The following TNNI3K variants were observed in gnomAD, a reference collection of about 807,000 sequenced individuals.
The protein encoded by TNNI3K is serine/threonine-protein kinase TNNI3K.
Under a neutral mutation model 114.5 loss-of-function variants are expected in TNNI3K, and 140 were observed. The ratio of observed to expected loss-of-function variants is 1.22; its 90% CI spans 1.07 to 1.41. TNNI3K has a LOEUF of 1.41. Among genes scored for constraint, TNNI3K ranks in the 40% most tolerant of loss-of-function variants. TNNI3K has a pLI of 0.00. For missense variants in TNNI3K, 1,125 were observed against 1,007.6 expected, an observed-to-expected ratio of 1.12 and a Z score of -1.58; for synonymous variants, 347 against 347.5, an observed-to-expected ratio of 1.00 and a Z score of 0.02.
intron 7 of TNNI3K, 80 bp from the exon 8 acceptor site, chr1:74,342,762 T>C: frequency 6.6e-7 from 1 of 1,520,336 alleles, no homozygotes; most frequent in Non-Finnish European, 8.9e-7. Context: ...CACTTAGAAA[T>C]GTCCATGATA....
intron 17 of TNNI3K, among the ~76,000 whole-genome samples, chr1:74,380,325 C>G (rs533501819): frequency 2.0e-5 from 3 of 152,250 alleles, no homozygotes; most frequent in South Asian, 4.1e-4. Flanking sequence ...TAGTGCTACT[C>G]CACACTGGAA....
chr1:74,347,463 G>A lies in TNNI3K; in HGVS notation c.932+4284G>A, dbSNP rs557367722. Among the ~76,000 whole-genome samples, 537 of 152,090 alleles carry A rather than the reference G, an allele frequency of 3.5e-3. 2 individuals are homozygous for A. Among genetic ancestry groups the A allele is most frequent in the African/African-American group, 0.012 (509 of 41,478 alleles). ...GTGAATAGTGCCGCAATAAACATAC[G>A]TGTGCATGTGTCTTTATAGCAGCAT... is the stretch of plus-strand genomic sequence containing the variant. On this transcript the variant is annotated intron_variant, in intron 9 of 24. Transcript: ENST00000326637.
At chr1:74,244,539 T>C (rs768451954) in intron 2 of TNNI3K, among the ~76,000 whole-genome samples, 2 of 151,686 alleles carry the variant, frequency 1.3e-5, no homozygotes, top group Admixed American at 6.6e-5. Flanking sequence ...TGGCATCTTG[T>C]ATTTTCTGTT....
chr1:74,235,489 C>T lies in TNNI3K; in HGVS notation c.38C>T (p.Thr13Ile). The change falls in exon 1 of 25, where the codon ACT becomes ATT. Residue 13 changes from threonine to isoleucine, a missense_variant and splice_region_variant. Transcript: ENST00000326637. The stretch of plus-strand genomic sequence containing the variant: ...AAATCTAGACCAACCCAAACTTGTA[C>T]TGGTAATTATTCTAATTATTCTTAT... ...NYKSRPTQTC[T>I]DEWKKKVSES... The T allele has an allele frequency of 1.4e-6, 2 of 1,439,312 alleles. No individual in the cohort carries two copies. Among genetic ancestry groups the T allele is most frequent in the Admixed American group, 2.0e-5 (1 of 50,088 alleles). 89.2% of individuals were successfully genotyped at this position (1,439,312 alleles called of 1,614,324 possible).
At chr1:74,318,091 G>C (rs1659416963) in intron 5 of TNNI3K, among the ~76,000 whole-genome samples, 1 of 152,064 alleles carries the variant, frequency 6.6e-6, no homozygotes, top group Non-Finnish European at 1.5e-5. Context: ...TAATAAACTG[G>C]GGCAATTGTA....
intron 11 of TNNI3K, among the ~76,000 whole-genome samples, chr1:74,361,416 G>A (rs1832810): frequency 1 from 151,787 of 152,190 alleles, 75,694 homozygotes; most frequent in Non-Finnish European, 1. Context: ...TTATATTTAT[G>A]TAATTTTTTC....
chr1:74,312,483 T>C (rs972217128), intron 5 of TNNI3K, among the ~76,000 whole-genome samples: 2 of 152,250 alleles, frequency 1.3e-5, no homozygotes, highest in Admixed American at 6.5e-5. Flanking sequence ...ACAGGGTATC[T>C]TCTACTGAGA....
intron 21 of TNNI3K, chr1:74,480,807 G>A (rs1461289427): frequency 1.4e-6 from 1 of 717,570 alleles, no homozygotes; most frequent in Admixed American, 2.0e-5. Flanking sequence ...AACAAGGTCC[G>A]CAACATCGTA....
chr1:74,489,364 A>C, intron 22 of TNNI3K, 116 bp downstream of exon 22: 1 of 1,024,442 alleles, frequency 9.8e-7, no homozygotes, highest in Non-Finnish European at 1.4e-6. Context: ...CCATAACTCC[A>C]TCCATATTTG....
intron 4 of TNNI3K, 31 bp downstream of exon 4, chr1:74,250,800 A>G (rs757772518): frequency 5.0e-6 from 7 of 1,408,636 alleles, no homozygotes; most frequent in Non-Finnish European, 6.8e-6. Context: ...TAAACACTGC[A>G]TTGGAACTAA....
At chr1:74,282,488 C>A (rs536736313) in intron 5 of TNNI3K, among the ~76,000 whole-genome samples, 22 of 151,858 alleles carry the variant, frequency 1.4e-4, no homozygotes, top group African/African-American at 5.3e-4. Context: ...CTAATCTACT[C>A]TTTTTATGAG....
intron 9 of TNNI3K, among the ~76,000 whole-genome samples, chr1:74,351,884 A>C (rs2100472089): frequency 6.6e-6 from 1 of 151,986 alleles, no homozygotes. Context: ...TTTTTTTCAA[A>C]GTTTTTAACT....
At chr1:74,447,486 G>A (rs1230668192) in intron 20 of TNNI3K, among the ~76,000 whole-genome samples, 2 of 138,010 alleles carry the variant, frequency 1.4e-5, no homozygotes, top group Non-Finnish European at 3.0e-5. Context: ...AGACATTTAT[G>A]CAGCCAAAAA....
chr1:74,328,046 T>C (rs1277520184), intron 5 of TNNI3K, among the ~76,000 whole-genome samples: 1 of 152,098 alleles, frequency 6.6e-6, no homozygotes, highest in Non-Finnish European at 1.5e-5. Context: ...TAATTTGAAA[T>C]CAATTATCAA....
chr1:74,518,897 T>TTTG (rs1646390134), intron 23 of TNNI3K, among the ~76,000 whole-genome samples: 1 of 111,196 alleles, frequency 9.0e-6, no homozygotes, highest in Non-Finnish European at 1.6e-5. Flanking sequence ...TTTTTTTTAT[T>TTTG]ATACTCTAAG....
chr1:74,421,455 A>G (rs938044891), intron 17 of TNNI3K, among the ~76,000 whole-genome samples: 1 of 152,150 alleles, frequency 6.6e-6, no homozygotes, highest in Non-Finnish European at 1.5e-5. Context: ...GATAAGAGAA[A>G]TTGAGGTAAC....
At chr1:74,285,506 T>C (rs1657273275) in intron 5 of TNNI3K, among the ~76,000 whole-genome samples, 1 of 136,622 alleles carries the variant, frequency 7.3e-6, no homozygotes, top group African/African-American at 2.8e-5. Flanking sequence ...CTGAAGTTTT[T>C]CTATGCTCTG....
intron 6 of TNNI3K, among the ~76,000 whole-genome samples, chr1:74,333,421 A>G (rs1660313228): frequency 6.6e-6 from 1 of 152,222 alleles, no homozygotes; most frequent in African/African-American, 2.4e-5. Context: ...CAGGATATAT[A>G]CAATGCATAT....
At chr1:74,525,218 A>G (rs958673201) in intron 23 of TNNI3K, among the ~76,000 whole-genome samples, 1 of 152,192 alleles carries the variant, frequency 6.6e-6, no homozygotes, top group Non-Finnish European at 1.5e-5. Context: ...TAAGAATAAT[A>G]ACAATAATAA....
Sources: gnomAD v4.1 joint callset for allele counts (sites outside exome capture counted in the v4.1 genomes callset) on GRCh38, gnomAD v4.1.1 for gene constraint, MANE v1.5 for transcripts, NCBI Gene and HGNC (gene_info 2026-07-23, HGNC 2026-07-21) for gene names.